The following SETD2 variants were observed in gnomAD, a reference collection of about 807,000 sequenced individuals.
SETD2 encodes the protein SET domain containing 2, histone lysine methyltransferase, also known as histone-lysine N-methyltransferase SETD2.
Under a neutral mutation model 242.1 loss-of-function variants are expected in SETD2, and 31 were observed. The observed-to-expected ratio is 0.13, with a 90% confidence interval of 0.10 to 0.17. The LOEUF (loss-of-function observed/expected upper bound fraction) is 0.17, where lower values mean the gene tolerates loss of function less well. Ranked by LOEUF, SETD2 falls within the 10% of genes least tolerant of loss-of-function variation. SETD2 has a pLI of 1.00. For missense variants in SETD2, 2,481 were observed against 3,046.3 expected (o/e 0.81, Z 4.37); for synonymous variants, 1,006 against 1,066.5 (o/e 0.94, Z 1.11).
intron 17 of SETD2, 91 bp from the exon 18 acceptor site, chr3:47,037,868 A>G: frequency 1.1e-6 from 1 of 883,008 alleles, no homozygotes; most frequent in Admixed American, 1.9e-5. Context: ...ATAAAATACA[A>G]CATACAATAA....
Position 47,042,553 on chromosome 3 carries a change from C to A in SETD2, c.7238+8G>T. 2 of 1,613,894 alleles carry A rather than the reference C, an allele frequency of 1.2e-6. No homozygotes were observed. The highest frequency in any genetic ancestry group is 1.7e-6 in the Non-Finnish European group (2 of 1,179,904). On this transcript the variant is annotated splice_region_variant and intron_variant, in intron 17 of 20. Coordinates refer to ENST00000409792, the MANE Select transcript of SETD2 (RefSeq NM_014159.7). ...CAGACATGGGAACGCCCATACAGCT[C>A]CTCTTACCTTGTGATCACATGGTAG... is the stretch of plus-strand genomic sequence containing the variant.
intron 16 of SETD2, among the ~76,000 whole-genome samples, chr3:47,043,863 C>T (rs933177572): frequency 7.9e-5 from 12 of 152,076 alleles, no homozygotes; most frequent in Non-Finnish European, 1.6e-4. Flanking sequence ...TATTCCAAAC[C>T]ATTTATCTCT....
chr3:47,056,963 T>C lies in SETD2; in HGVS notation c.6821A>G (p.Asp2274Gly), dbSNP rs373366089. ...TACACTGACAGACTGTTGGTTTGAA[T>C]CCCAAACACTATAATTCTGTCCCTG... The part of the protein sequence containing the change: ...PVQGQNYSVW[D>G]SNQQSVSVQQ... Residue 2274 changes from aspartate (D) to glycine (G), a missense_variant, in exon 15 of 21, where the codon GAT becomes GGT. Around this residue, in one of 17 missense-constraint regions of SETD2, gnomAD observed 235 missense variants for 293.9 expected, o/e 0.80. Coordinates refer to ENST00000409792, the MANE Select transcript of SETD2 (RefSeq NM_014159.7). 6.2e-7 allele frequency: 1 copy of C among 1,614,236 alleles called. No individual in the cohort carries two copies. The highest frequency in any genetic ancestry group is 8.5e-7 in the Non-Finnish European group (1 of 1,180,042).
rs372043264 is a variant in SETD2, at chr3:47,148,346, G to T, written c.71+15508C>A. Among the ~76,000 whole-genome samples, 29 of 152,054 alleles carry T rather than the reference G, an allele frequency of 1.9e-4. 1 individual carries two copies. In the East Asian group the frequency reaches 4.8e-3, roughly 25 times the overall value. On this transcript the variant is annotated intron_variant, in intron 1 of 20. Coordinates refer to ENST00000409792, the MANE Select transcript of SETD2 (RefSeq NM_014159.7). ...GGGTTTTGCCATGTTGCCCAGGCTGGTCCCAAACTCCTGACCTCAGGGGAT... is the reference window on the plus strand; with the variant it reads ...GGGTTTTGCCATGTTGCCCAGGCTGTTCCCAAACTCCTGACCTCAGGGGAT...
At chr3:47,034,868 A>G (rs1183322034) in intron 18 of SETD2, among the ~76,000 whole-genome samples, 1 of 152,186 alleles carries the variant, frequency 6.6e-6, no homozygotes, top group Non-Finnish European at 1.5e-5. Flanking sequence ...TAAATAACCA[A>G]AATGTGAAAG....
At chr3:47,030,331 A>G (rs1431162620) in intron 18 of SETD2, among the ~76,000 whole-genome samples, 1 of 152,206 alleles carries the variant, frequency 6.6e-6, no homozygotes, top group Non-Finnish European at 1.5e-5. Context: ...AATTCAATAC[A>G]GCAGAAGGTA....
intron 16 of SETD2, among the ~76,000 whole-genome samples, chr3:47,045,078 G>C (rs1461444051): frequency 1.3e-5 from 2 of 152,178 alleles, no homozygotes; most frequent in East Asian, 3.9e-4. Context: ...AATACTGATA[G>C]ATAGCTGGTC....
intron 3 of SETD2, among the ~76,000 whole-genome samples, chr3:47,118,056 A>G (rs1440001468): frequency 2.6e-5 from 4 of 152,200 alleles, no homozygotes; most frequent in African/African-American, 7.2e-5. Flanking sequence ...CATATGTTCT[A>G]TTCTAGTGCC....
In SETD2 at chr3:47,073,207, C is replaced by T. The variant is rs189294003; in HGVS notation, c.6061-6089G>A. ...TCACTTTCATAGCTAAAAGAACAGA[C>T]AAAACGCAGTAGGAATGGATAAAAA... On this transcript the variant is annotated intron_variant, in intron 12 of 20. Coordinates refer to ENST00000409792, the MANE Select transcript of SETD2 (RefSeq NM_014159.7). 2.0e-3 allele frequency among the ~76,000 whole-genome samples: 296 copies of T among 149,716 alleles called. 3 individuals are homozygous for T. The highest frequency in any genetic ancestry group is 6.6e-3 in the African/African-American group (270 of 40,888).
At chr3:47,150,637 C>T (rs1167909121) in intron 1 of SETD2, among the ~76,000 whole-genome samples, 1 of 152,074 alleles carries the variant, frequency 6.6e-6, no homozygotes, top group Non-Finnish European at 1.5e-5. Flanking sequence ...TAGCCCAACA[C>T]ATACCACTCA....
Position 47,129,411 on chromosome 3 carries a change from G to A in SETD2, c.72-2748C>T, listed in dbSNP as rs1037480060. Among the ~76,000 whole-genome samples the A allele has an allele frequency of 5.9e-5, 9 of 152,156 alleles. No homozygotes were observed. The East Asian group carries it at 1.3e-3, about 23-fold the overall frequency. ...TTGATCTACAGAGCTTTCTGCACTC[G>A]TTTGTGCATGCACTTGAGTGTGGTT... On this transcript the variant is annotated intron_variant, in intron 1 of 20. Transcript: ENST00000409792.
At chr3:47,087,052 C>A (rs536154807) in intron 10 of SETD2, among the ~76,000 whole-genome samples, 11 of 150,068 alleles carry the variant, frequency 7.3e-5, no homozygotes, top group Non-Finnish European at 1.5e-4. Context: ...AAAAAAAAAT[C>A]ATTTTGTGTT....
intron 1 of SETD2, among the ~76,000 whole-genome samples, chr3:47,127,998 C>T (rs2043384693): frequency 6.6e-6 from 1 of 151,526 alleles, no homozygotes; most frequent in African/African-American, 2.4e-5. Flanking sequence ...CTCTCTCACA[C>T]ACACACACAC....
intron 1 of SETD2, among the ~76,000 whole-genome samples, chr3:47,156,860 G>T (rs1008620826): frequency 1.3e-5 from 2 of 152,138 alleles, no homozygotes; most frequent in African/African-American, 4.8e-5. Flanking sequence ...ATAAGAATTT[G>T]ACTTGCTGGG....
At chr3:47,096,943 T>A (rs2042034307) in intron 9 of SETD2, among the ~76,000 whole-genome samples, 1 of 152,222 alleles carries the variant, frequency 6.6e-6, no homozygotes, top group South Asian at 2.1e-4. Flanking sequence ...TAACTTTTTT[T>A]AACTGAATCT....
chr3:47,134,214 G>A (rs999271444), intron 1 of SETD2, among the ~76,000 whole-genome samples: 13 of 152,080 alleles, frequency 8.5e-5, no homozygotes, highest in African/African-American at 1.4e-4. Flanking sequence ...TCCTTGATCC[G>A]CTTCCCAGCA....
intron 1 of SETD2, among the ~76,000 whole-genome samples, chr3:47,144,021 G>A (rs1036023366): frequency 6.6e-6 from 1 of 151,944 alleles, no homozygotes; most frequent in Non-Finnish European, 1.5e-5. Flanking sequence ...CATTACACCA[G>A]AACTTAAGAA....
At chr3:47,116,829 T>C in intron 3 of SETD2, 75 bp from the exon 4 acceptor site, 5 of 1,072,848 alleles carry the variant, frequency 4.7e-6, no homozygotes, top group Non-Finnish European at 6.8e-6. Flanking sequence ...ATCAAATATG[T>C]GCCAAATCTC....
intron 1 of SETD2, among the ~76,000 whole-genome samples, chr3:47,154,692 A>G (rs929266570): frequency 2.0e-5 from 3 of 152,056 alleles, no homozygotes; most frequent in African/African-American, 7.2e-5. Context: ...TTGTTGTGGT[A>G]ATTAAAAAAA....
Sources: gnomAD v4.1 joint callset for allele counts (sites outside exome capture counted in the v4.1 genomes callset) on GRCh38, gnomAD v4.1.1 for gene constraint, gnomAD v4.1.1 regional missense constraint, MANE v1.5 for transcripts, NCBI Gene and HGNC (gene_info 2026-07-23, HGNC 2026-07-21) for gene names.